Variants in EPHA5 observed in about 807,000 individuals in gnomAD.
EPHA5 encodes EPH receptor A5.
Under a neutral mutation model 105.0 loss-of-function variants are expected in EPHA5, and 60 were observed. That is an observed-to-expected ratio of 0.57 (90% CI 0.46 to 0.71). EPHA5 has a LOEUF of 0.71. EPHA5 is among the 30% of genes least tolerant of loss of function. The pLI is 0.00. For missense variants in EPHA5, 1,218 were observed against 1,274.7 expected, an observed-to-expected ratio of 0.96 and a Z score of 0.68; for synonymous variants, 513 against 449.1, an observed-to-expected ratio of 1.14 and a Z score of -1.80.
At chr4:65,613,586 T>C (rs1560774412) in intron 2 of EPHA5, among the ~76,000 whole-genome samples, 1 of 152,068 alleles carries the variant, frequency 6.6e-6, no homozygotes, top group Admixed American at 6.5e-5. Context: ...TAGAGATTTT[T>C]TTAGCCACTT....
At chr4:65,644,488 A>C (rs1747949765) in intron 1 of EPHA5, among the ~76,000 whole-genome samples, 1 of 152,088 alleles carries the variant, frequency 6.6e-6, no homozygotes, top group Admixed American at 6.6e-5. Flanking sequence ...GGCTTCCTTA[A>C]GCTGTATTCA....
intron 3 of EPHA5, among the ~76,000 whole-genome samples, chr4:65,572,813 C>G (rs993971690): frequency 6.8e-6 from 1 of 148,074 alleles, no homozygotes; most frequent in Non-Finnish European, 1.5e-5. Context: ...GGCGGATAAC[C>G]TGAGGTCAGG....
intron 3 of EPHA5, among the ~76,000 whole-genome samples, chr4:65,519,608 G>T (rs1304666068): frequency 6.6e-6 from 1 of 152,116 alleles, no homozygotes; most frequent in African/African-American, 2.4e-5. Flanking sequence ...CAGATGACAT[G>T]TTTGTATATT....
At chr4:65,459,683 A>G (rs983500855) in intron 5 of EPHA5, among the ~76,000 whole-genome samples, 1 of 151,846 alleles carries the variant, frequency 6.6e-6, no homozygotes, top group African/African-American at 2.4e-5. Context: ...GCTATTTACC[A>G]TTACAAAATT....
intron 4 of EPHA5, among the ~76,000 whole-genome samples, chr4:65,494,899 A>G (rs1213672520): frequency 2.0e-5 from 3 of 152,092 alleles, no homozygotes; most frequent in Non-Finnish European, 2.9e-5. Context: ...TTAGAACAAG[A>G]TGGTGAAGGC....
At chr4:65,325,476 A>G (rs1719989814) in intron 16 of EPHA5, among the ~76,000 whole-genome samples, 1 of 151,238 alleles carries the variant, frequency 6.6e-6, no homozygotes, top group Admixed American at 6.6e-5. Context: ...CCCCAAAAAA[A>G]TGCTATTGAT....
At chr4:65,576,918 T>C (rs1254745796) in intron 3 of EPHA5, among the ~76,000 whole-genome samples, 4 of 152,160 alleles carry the variant, frequency 2.6e-5, no homozygotes, top group African/African-American at 7.2e-5. Flanking sequence ...TGGTACCTCT[T>C]TCCATGTCTA....
chr4:65,593,235 T>C (rs908878292), intron 3 of EPHA5, among the ~76,000 whole-genome samples: 3 of 152,166 alleles, frequency 2.0e-5, no homozygotes, highest in African/African-American at 7.2e-5. Flanking sequence ...ATATGTATGA[T>C]AAAAGTATAT....
At chr4:65,657,170 A>C (rs184168310) in intron 1 of EPHA5, among the ~76,000 whole-genome samples, 1 of 152,288 alleles carries the variant, frequency 6.6e-6, no homozygotes, top group Admixed American at 6.5e-5. Flanking sequence ...AGTACTTCAT[A>C]AAATAAGTGA....
At chr4:65,524,948 T>C (rs1016887970) in intron 3 of EPHA5, among the ~76,000 whole-genome samples, 6 of 151,778 alleles carry the variant, frequency 4.0e-5, no homozygotes, top group Non-Finnish European at 7.4e-5. Context: ...CTCTGTTCCA[T>C]AATGACACGT....
rs188804150 is a variant in EPHA5, at chr4:65,322,546, T to G, written c.*1568A>C. The stretch of plus-strand genomic sequence containing the variant: ...AAGTGTAATAATACAAAAATGTTGG[T>G]TATCTCAGGAGCTCAGTTTTGGACA... On this transcript the variant is annotated 3_prime_UTR_variant, in exon 17 of 17. Coordinates refer to ENST00000613740, the MANE Select transcript of EPHA5 (RefSeq NM_001281766.3). 1 of 225,072 alleles carries G rather than the reference T, an allele frequency of 4.4e-6. No individual in the cohort carries two copies. 13.9% of individuals were successfully genotyped at this position (225,072 alleles called of 1,614,324 possible). A position where few individuals can be genotyped will look rare whatever the true frequency, so the allele number is the denominator to read the frequency against.
In EPHA5 at chr4:65,669,621, C is replaced by T; in HGVS notation, c.122G>A (p.Trp41Ter). Residue 41 changes from tryptophan (W) to a stop codon, truncating the protein, a stop_gained, in exon 1 of 17, where the codon TGG becomes TAG. Transcript: ENST00000613740. LOFTEE classifies it high-confidence loss of function. ...TGCGGCGCACAGGAGAAGGCACGTC[C>T]AGAGGGGAGCCCGTCGAGGTGCAGA... ...CYSAPRRAPL[W>*]TCLLLCAALR... 1 of 1,421,810 alleles carries T rather than the reference C, an allele frequency of 7.0e-7. No individual in the cohort carries two copies. The highest frequency in any genetic ancestry group is 9.2e-7 in the Non-Finnish European group (1 of 1,081,690). The allele number at this position is 1,421,810 out of a possible 1,614,324, so 88.1% of individuals were successfully genotyped here.
At chr4:65,384,269 A>G (rs1719872146) in intron 8 of EPHA5, among the ~76,000 whole-genome samples, 1 of 151,914 alleles carries the variant, frequency 6.6e-6, no homozygotes, top group South Asian at 2.1e-4. Flanking sequence ...CTCCTCTATC[A>G]ATATTTCTGT....
intron 8 of EPHA5, among the ~76,000 whole-genome samples, chr4:65,370,767 T>C (rs1216891488): frequency 6.6e-6 from 1 of 151,862 alleles, no homozygotes; most frequent in African/African-American, 2.4e-5. Flanking sequence ...TTGAAAGGAG[T>C]TATTTTTGAC....
intron 16 of EPHA5, 104 bp downstream of exon 16, chr4:65,331,869 C>T (rs1720649171): frequency 2.1e-6 from 3 of 1,461,188 alleles, no homozygotes; most frequent in Non-Finnish European, 9.0e-7. Context: ...AGCTGCCACA[C>T]ATCCGCAAAG....
At chr4:65,606,498 A>T (rs924510909) in intron 2 of EPHA5, among the ~76,000 whole-genome samples, 3 of 152,198 alleles carry the variant, frequency 2.0e-5, no homozygotes, top group Non-Finnish European at 4.4e-5. Flanking sequence ...ATAAAAGCAG[A>T]TTAAAAATTA....
At chr4:65,379,109 A>G (rs1719302782) in intron 8 of EPHA5, among the ~76,000 whole-genome samples, 1 of 151,920 alleles carries the variant, frequency 6.6e-6, no homozygotes, top group Non-Finnish European at 1.5e-5. Context: ...TGCATGGGAA[A>G]ACAATAACTG....
chr4:65,617,636 C>A (rs960048562), intron 2 of EPHA5, among the ~76,000 whole-genome samples: 1 of 152,054 alleles, frequency 6.6e-6, no homozygotes. Context: ...GCCTTTTGGT[C>A]TGGCCACTAT....
chr4:65,363,229 A>G (rs1189293052), intron 11 of EPHA5, among the ~76,000 whole-genome samples: 1 of 151,596 alleles, frequency 6.6e-6, no homozygotes, highest in Admixed American at 6.6e-5. Flanking sequence ...TATGTACTAA[A>G]TAAGTACTTA....
Sources: allele counts gnomAD v4.1 joint callset (sites outside exome capture counted in the v4.1 genomes callset), GRCh38; gene constraint gnomAD v4.1.1; transcripts MANE v1.5; gene names NCBI Gene and HGNC (gene_info 2026-07-23, HGNC 2026-07-21).